The following PCDH15 variants were observed in gnomAD, a reference collection of about 807,000 sequenced individuals.
PCDH15 encodes protocadherin related 15.
A neutral mutation model predicts 178.5 loss-of-function variants in PCDH15; 129 were observed. The observed-to-expected ratio is 0.72, with a 90% confidence interval of 0.63 to 0.84. The LOEUF is 0.84. Among genes scored for constraint, PCDH15 ranks in the 40% least tolerant of loss-of-function variants. The pLI is 0.00. For synonymous variants in PCDH15, 800 were observed against 732.0 expected, an observed-to-expected ratio of 1.09 and a Z score of -1.50; for missense variants, 2,230 against 2,099.9, an observed-to-expected ratio of 1.06 and a Z score of -1.21.
At chr10:55,481,587 A>T (rs540558558) in intron 2 of PCDH15, among the ~76,000 whole-genome samples, 1 of 151,852 alleles carries the variant, frequency 6.6e-6, no homozygotes, top group East Asian at 1.9e-4. Flanking sequence ...GCATTTCATT[A>T]TTTACTCAAA....
chr10:54,670,583 T>C (rs1407743359), intron 1 of PCDH15, among the ~76,000 whole-genome samples: 2 of 152,154 alleles, frequency 1.3e-5, no homozygotes, highest in Non-Finnish European at 2.9e-5. Context: ...AAAAAACTAA[T>C]ATTCAGTTTA....
chr10:55,070,662 C>G (rs1171276265), intron 2 of PCDH15, among the ~76,000 whole-genome samples: 1 of 152,250 alleles, frequency 6.6e-6, no homozygotes, highest in African/African-American at 2.4e-5. Context: ...CAGTACCATG[C>G]TGTTTTGGTT....
intron 2 of PCDH15, among the ~76,000 whole-genome samples, chr10:54,993,310 A>G (rs1839551284): frequency 6.6e-6 from 1 of 152,198 alleles, no homozygotes; most frequent in Non-Finnish European, 1.5e-5. Flanking sequence ...ATAGAACTGA[A>G]AGCTTCTGAG....
intron 34 of PCDH15, among the ~76,000 whole-genome samples, chr10:53,816,769 T>G (rs923957886): frequency 6.6e-6 from 1 of 152,176 alleles, no homozygotes; most frequent in African/African-American, 2.4e-5. Flanking sequence ...ATTGAAGACA[T>G]GCTCTCCATT....
intron 2 of PCDH15, chr10:54,656,043 C>G (rs964384029): frequency 1.3e-5 from 2 of 152,114 alleles, no homozygotes; most frequent in Non-Finnish European, 2.9e-5. Flanking sequence ...CTGGATTTTG[C>G]CATCTAACGA....
intron 2 of PCDH15, among the ~76,000 whole-genome samples, chr10:55,126,409 C>T (rs1438797073): frequency 6.6e-6 from 1 of 152,126 alleles, no homozygotes; most frequent in African/African-American, 2.4e-5. Flanking sequence ...ACTGTCTAAA[C>T]AATCCATCTC....
At chr10:55,522,845 G>T (rs779185780) in intron 2 of PCDH15, among the ~76,000 whole-genome samples, 1 of 150,978 alleles carries the variant, frequency 6.6e-6, no homozygotes, top group African/African-American at 2.5e-5. Flanking sequence ...TTACTATTTT[G>T]TTCATTGTTT....
intron 2 of PCDH15, among the ~76,000 whole-genome samples, chr10:55,118,558 A>G (rs1483433894): frequency 6.6e-6 from 1 of 152,180 alleles, no homozygotes; most frequent in Non-Finnish European, 1.5e-5. Flanking sequence ...GGACTCAGTA[A>G]TCTGTGTTTC....
intron 3 of PCDH15, among the ~76,000 whole-genome samples, chr10:54,489,775 T>G (rs779555084): frequency 3.3e-5 from 5 of 152,194 alleles, no homozygotes; most frequent in Non-Finnish European, 5.9e-5. Flanking sequence ...CTTACTATTC[T>G]TTATCCTTAT....
chr10:55,071,499 A>G (rs1841746408), intron 2 of PCDH15, among the ~76,000 whole-genome samples: 1 of 152,330 alleles, frequency 6.6e-6, no homozygotes, highest in East Asian at 1.9e-4. Flanking sequence ...AGAGACAAAG[A>G]AGGCCATTAC....
At chr10:54,395,429 T>C (rs940291499) in intron 3 of PCDH15, among the ~76,000 whole-genome samples, 1 of 145,030 alleles carries the variant, frequency 6.9e-6, no homozygotes. Context: ...GTGCATGTAT[T>C]ACACACACAC....
intron 21 of PCDH15, among the ~76,000 whole-genome samples, chr10:53,969,148 T>C (rs2089383663): frequency 6.6e-6 from 1 of 152,094 alleles, no homozygotes; most frequent in Non-Finnish European, 1.5e-5. Context: ...ATAAACAGTG[T>C]AGAGAAGACC....
At chr10:55,388,406 T>C (rs762308562) in intron 2 of PCDH15, among the ~76,000 whole-genome samples, 15 of 152,104 alleles carry the variant, frequency 9.9e-5, no homozygotes, top group Non-Finnish European at 2.1e-4. Context: ...TCCTGTTGAC[T>C]TGCCACTGTA....
intron 20 of PCDH15, among the ~76,000 whole-genome samples, chr10:54,012,940 G>A (rs1473791136): frequency 3.9e-5 from 6 of 152,060 alleles, no homozygotes; most frequent in East Asian, 1.9e-4. Context: ...AACACTGAAT[G>A]TAAATGGGCT....
intron 1 of PCDH15, among the ~76,000 whole-genome samples, chr10:54,702,543 C>CA (rs375110960): frequency 0.08 from 10,049 of 125,530 alleles, 509 homozygotes; most frequent in South Asian, 0.15. Flanking sequence ...CACAGAAATA[C>CA]AAAAAAAAAA....
chr10:54,370,636 A>G (rs1947515412), intron 4 of PCDH15, among the ~76,000 whole-genome samples: 1 of 151,950 alleles, frequency 6.6e-6, no homozygotes, highest in Non-Finnish European at 1.5e-5. Flanking sequence ...ATTAAGGCTA[A>G]TAGTTACACC....
At chr10:53,874,115 C>G (rs1214753282) in intron 26 of PCDH15, among the ~76,000 whole-genome samples, 1 of 152,034 alleles carries the variant, frequency 6.6e-6, no homozygotes, top group Non-Finnish European at 1.5e-5. Context: ...CTGATGGGAG[C>G]TTTCATTTAG....
At chr10:55,263,682 C>T (rs1290035033) in intron 1 of PCDH15, among the ~76,000 whole-genome samples, 1 of 152,072 alleles carries the variant, frequency 6.6e-6, no homozygotes, top group Non-Finnish European at 1.5e-5. Context: ...AGGCTCTTTC[C>T]CCAGGATCTC....
intron 1 of PCDH15, among the ~76,000 whole-genome samples, chr10:55,202,658 C>G (rs1416367740): frequency 6.6e-6 from 1 of 152,086 alleles, no homozygotes; most frequent in African/African-American, 2.4e-5. Context: ...TGTGGTTTGG[C>G]TCTGTGTCCC....
Sources: allele counts gnomAD v4.1 joint callset (sites outside exome capture counted in the v4.1 genomes callset), GRCh38; gene constraint gnomAD v4.1.1; transcripts MANE v1.5; gene names NCBI Gene and HGNC (gene_info 2026-07-23, HGNC 2026-07-21).